The following PAM variants were observed in gnomAD, a reference collection of about 807,000 sequenced individuals.
PAM encodes peptidylglycine alpha-amidating monooxygenase.
Under a neutral mutation model 122.1 loss-of-function variants are expected in PAM, and 72 were observed. That is an observed-to-expected ratio of 0.59 (90% CI 0.49 to 0.72). The LOEUF (loss-of-function observed/expected upper bound fraction) is 0.72, where lower values mean the gene tolerates loss of function less well. PAM is among the 30% of genes least tolerant of loss of function. The pLI is 0.00. For synonymous variants in PAM, 389 were observed against 404.4 expected (o/e 0.96, Z 0.46); for missense variants, 1,106 against 1,183.7 (o/e 0.93, Z 0.96).
chr5:102,945,658 CT>C (rs533204957), intron 7 of PAM, among the ~76,000 whole-genome samples: 88 of 152,092 alleles, frequency 5.8e-4, no homozygotes, highest in African/African-American at 1.7e-3. Context: ...TTCTCCCCCC[CT>C]CTCTCCTTTT....
intron 1 of PAM, among the ~76,000 whole-genome samples, chr5:102,784,201 C>G (rs1234054885): frequency 6.6e-6 from 1 of 152,072 alleles, no homozygotes; most frequent in Non-Finnish European, 1.5e-5. Context: ...CTGATCTACC[C>G]CCATCTTTCT....
In PAM at chr5:103,025,239, CTGT is replaced by C; in HGVS notation, c.2599_2601del (p.Val867del). ...ATCAAAGAGCCAGGCTCGGGAGTGC[CTGT>C]TGTTCTCATTACAACCCTTCTGGTT... is the stretch of plus-strand genomic sequence containing the variant. On this transcript the variant is annotated inframe_deletion, in exon 24 of 26. Coordinates refer to ENST00000438793, the MANE Select transcript of PAM (RefSeq NM_001177306.2). 7 of 1,613,710 alleles carry C rather than the reference CTGT, an allele frequency of 4.3e-6. No individual in the cohort carries two copies. The highest frequency in any genetic ancestry group is 1.1e-5 in the South Asian group (1 of 91,078).
At chr5:102,887,159 A>C (rs1229480767) in intron 3 of PAM, among the ~76,000 whole-genome samples, 1 of 151,962 alleles carries the variant, frequency 6.6e-6, no homozygotes, top group Non-Finnish European at 1.5e-5. Context: ...CCAATGTGGC[A>C]CTGTTGGGAG....
At chr5:102,993,586 C>G (rs1268886149) in intron 16 of PAM, among the ~76,000 whole-genome samples, 1 of 152,008 alleles carries the variant, frequency 6.6e-6, no homozygotes, top group Non-Finnish European at 1.5e-5. Flanking sequence ...CTTTCTGTTA[C>G]AAATAAGAGA....
intron 3 of PAM, among the ~76,000 whole-genome samples, chr5:102,881,858 C>G (rs1378824258): frequency 6.0e-5 from 9 of 150,614 alleles, no homozygotes; most frequent in Non-Finnish European, 1.3e-4. Flanking sequence ...ACCTTTTCTC[C>G]CAAAGTCCAT....
chr5:102,946,683 A>T (rs549499375), intron 7 of PAM, among the ~76,000 whole-genome samples, 154 bp from the exon 8 acceptor site: 2 of 151,556 alleles, frequency 1.3e-5, no homozygotes, highest in Non-Finnish European at 2.9e-5. Flanking sequence ...GAATTACTGG[A>T]TATGAAAGTA....
At chr5:102,807,050 C>T (rs769123918) in intron 1 of PAM, among the ~76,000 whole-genome samples, 2 of 152,174 alleles carry the variant, frequency 1.3e-5, no homozygotes, top group Non-Finnish European at 2.9e-5. Flanking sequence ...TACGGAATGA[C>T]AACCTTCATT....
chr5:102,800,633 T>C (rs1475329300), intron 1 of PAM, among the ~76,000 whole-genome samples: 1 of 152,180 alleles, frequency 6.6e-6, no homozygotes, highest in East Asian at 1.9e-4. Context: ...GCAACATTGC[T>C]TCCTTTTTCA....
chr5:102,799,644 C>T (rs1764195131), intron 1 of PAM, among the ~76,000 whole-genome samples: 1 of 152,112 alleles, frequency 6.6e-6, no homozygotes, highest in Admixed American at 6.5e-5. Flanking sequence ...CTGCCAGTTC[C>T]AGAGCCTTAG....
chr5:102,829,441 G>T (rs1224333371), intron 1 of PAM, among the ~76,000 whole-genome samples: 1 of 148,854 alleles, frequency 6.7e-6, no homozygotes, highest in African/African-American at 2.5e-5. Context: ...TCGCGATCTC[G>T]GTTCACTGCA....
intron 1 of PAM, among the ~76,000 whole-genome samples, chr5:102,846,739 A>C (rs909715364): frequency 6.6e-6 from 1 of 152,004 alleles, no homozygotes; most frequent in African/African-American, 2.4e-5. Flanking sequence ...CTTGATCTCT[A>C]TCTCTTTTCT....
intron 1 of PAM, among the ~76,000 whole-genome samples, chr5:102,804,300 A>G (rs575346666): frequency 6.6e-6 from 1 of 152,178 alleles, no homozygotes; most frequent in Non-Finnish European, 1.5e-5. Flanking sequence ...ATAAAGATGC[A>G]TCAAGGACAA....
intron 1 of PAM, among the ~76,000 whole-genome samples, chr5:102,841,984 CA>C (rs1397268307): frequency 6.6e-6 from 1 of 151,894 alleles, no homozygotes; most frequent in East Asian, 1.9e-4. Context: ...CGGCTATACA[CA>C]AAAATTGAGT....
chr5:102,979,790 G>T (rs980669727), intron 15 of PAM, among the ~76,000 whole-genome samples: 3 of 151,828 alleles, frequency 2.0e-5, no homozygotes, highest in African/African-American at 7.2e-5. Flanking sequence ...TTTAATAGCA[G>T]TATTTAATTT....
At chr5:102,828,881 TC>T (rs1480365266) in intron 1 of PAM, among the ~76,000 whole-genome samples, 3 of 151,174 alleles carry the variant, frequency 2.0e-5, no homozygotes, top group Non-Finnish European at 4.4e-5. Flanking sequence ...TATGACTTAA[TC>T]AATTGCATTT....
At chr5:102,777,535 G>GA (rs551081582) in intron 1 of PAM, among the ~76,000 whole-genome samples, 12 of 151,602 alleles carry the variant, frequency 7.9e-5, no homozygotes, top group South Asian at 4.2e-4. Context: ...GGAGTTTCTG[G>GA]AAAAAAAAGA....
At chr5:102,932,551 A>T (rs957443706) in intron 7 of PAM, among the ~76,000 whole-genome samples, 1 of 149,310 alleles carries the variant, frequency 6.7e-6, no homozygotes, top group Non-Finnish European at 1.5e-5. Flanking sequence ...ATATGTATGT[A>T]TGTGTGTGTA....
At chr5:102,954,008 G>A (rs1056233714) in intron 12 of PAM, among the ~76,000 whole-genome samples, 2 of 151,844 alleles carry the variant, frequency 1.3e-5, no homozygotes, top group Admixed American at 6.6e-5. Context: ...GTAAATAACA[G>A]GAGCAATGTT....
At chr5:102,772,166 G>A (rs1755973638) in intron 1 of PAM, among the ~76,000 whole-genome samples, 1 of 152,106 alleles carries the variant, frequency 6.6e-6, no homozygotes. Flanking sequence ...TATTCTTTGA[G>A]ATTAATGCAC....
Sources: allele counts gnomAD v4.1 joint callset (sites outside exome capture counted in the v4.1 genomes callset), GRCh38; gene constraint gnomAD v4.1.1; transcripts MANE v1.5; gene names NCBI Gene and HGNC (gene_info 2026-07-23, HGNC 2026-07-21).